The following NYAP2 variants were observed in gnomAD, a reference collection of about 807,000 sequenced individuals.
NYAP2 encodes neuronal tyrosine-phosphorylated phosphoinositide-3-kinase adapter 2.
A neutral mutation model predicts 50.4 loss-of-function variants in NYAP2; 23 were observed. That is an observed-to-expected ratio of 0.46 (90% CI 0.33 to 0.65). The LOEUF is 0.65. Among genes scored for constraint, NYAP2 ranks in the 30% least tolerant of loss-of-function variants. The probability of loss-of-function intolerance (pLI) is 0.02; values close to 1 mark genes in which losing one functional copy is unlikely to be tolerated. For synonymous variants in NYAP2, 394 were observed against 365.2 expected (o/e 1.08, Z -0.90); for missense variants, 885 against 861.0 (o/e 1.03, Z -0.35).
intron 3 of NYAP2, among the ~76,000 whole-genome samples, chr2:225,503,444 G>T (rs896408428): frequency 6.6e-6 from 1 of 152,102 alleles, no homozygotes; most frequent in African/African-American, 2.4e-5. Flanking sequence ...AATCTTAAAA[G>T]CACTTGTCAT....
At chr2:225,478,617 A>G (rs1180354163) in intron 3 of NYAP2, among the ~76,000 whole-genome samples, 1 of 152,182 alleles carries the variant, frequency 6.6e-6, no homozygotes, top group Admixed American at 6.5e-5. Flanking sequence ...TCCATCACTC[A>G]TATTGTTTTT....
At chr2:225,498,829 CTTTGAAGACAAAG>C (rs1559196458) in intron 3 of NYAP2, among the ~76,000 whole-genome samples, 1 of 151,990 alleles carries the variant, frequency 6.6e-6, no homozygotes. Flanking sequence ...GAGAATGATG[CTTTGAAGACAAAG>C]TTTCATTAGA....
chr2:225,454,648 G>A (rs1302134737), intron 3 of NYAP2, among the ~76,000 whole-genome samples: 6 of 152,122 alleles, frequency 3.9e-5, no homozygotes, highest in East Asian at 1.9e-4. Flanking sequence ...CAGTGGCAGC[G>A]TTAGGTTCTC....
At chr2:225,437,648 C>G (rs894305290) in intron 3 of NYAP2, among the ~76,000 whole-genome samples, 3 of 152,230 alleles carry the variant, frequency 2.0e-5, no homozygotes, top group African/African-American at 7.2e-5. Flanking sequence ...ACCAACATAT[C>G]TGCAAGTGTA....
chr2:225,554,246 A>G (rs1691734264), intron 4 of NYAP2, among the ~76,000 whole-genome samples: 1 of 143,582 alleles, frequency 7.0e-6, no homozygotes, highest in Non-Finnish European at 1.5e-5. Flanking sequence ...TGGCCTTAGT[A>G]TAAACTATTT....
the NYAP2 span, among the ~76,000 whole-genome samples, chr2:225,675,256 G>C: frequency 6.6e-6 from 1 of 152,044 alleles, no homozygotes; most frequent in Admixed American, 6.6e-5. Flanking sequence ...AGTAAGCATA[G>C]TACCCAATGG....
At chr2:225,637,525 G>T (rs6436575) in intron 6 of NYAP2, among the ~76,000 whole-genome samples, 79,801 of 151,874 alleles carry the variant, frequency 0.53, 21,462 homozygotes, top group Admixed American at 0.66. Context: ...TGGCTTCCCC[G>T]GGGAACATTT....
rs1559202480 is a variant in NYAP2, at chr2:225,518,548, ATATATATATATATATAT to A, written c.523+4877_523+4893del. On this transcript the variant is annotated intron_variant, in intron 4 of 6. Coordinates refer to ENST00000636099, the Ensembl canonical transcript of NYAP2. ...TATATATATATATATATATATATAT[ATATATATATATATATAT>A]ATATTAGCGTGTGCGCTTATATATA... Among the ~76,000 whole-genome samples, 629 of 78,350 alleles carry A rather than the reference ATATATATATATATATAT, an allele frequency of 8.0e-3. 45 individuals are homozygous for A. Among genetic ancestry groups the A allele is most frequent in the African/African-American group, 0.025 (569 of 22,962 alleles). 51.4% of individuals were successfully genotyped at this position (78,350 alleles called of 152,430 possible).
At chr2:225,563,622 G>A (rs1691912013) in intron 4 of NYAP2, among the ~76,000 whole-genome samples, 1 of 151,982 alleles carries the variant, frequency 6.6e-6, no homozygotes, top group Non-Finnish European at 1.5e-5. Flanking sequence ...ATATATGAAG[G>A]ATCTTCATAG....
chr2:225,471,951 T>A (rs1026198728), intron 3 of NYAP2, among the ~76,000 whole-genome samples: 4 of 150,088 alleles, frequency 2.7e-5, no homozygotes, highest in African/African-American at 9.7e-5. Flanking sequence ...GTAAAAATGA[T>A]AATAAGACTG....
At chr2:225,454,416 T>C (rs1465130102) in intron 3 of NYAP2, among the ~76,000 whole-genome samples, 1 of 152,212 alleles carries the variant, frequency 6.6e-6, no homozygotes. Flanking sequence ...AATTTTTTAA[T>C]ACAATTATAG....
At chr2:225,456,031 A>G (rs1471619256) in intron 3 of NYAP2, among the ~76,000 whole-genome samples, 2 of 152,240 alleles carry the variant, frequency 1.3e-5, no homozygotes, top group Non-Finnish European at 1.5e-5. Context: ...TTCATTCCCC[A>G]GGCAGGTTGG....
At chr2:225,664,158 C>T in the NYAP2 span, among the ~76,000 whole-genome samples, 111 of 152,192 alleles carry the variant, frequency 7.3e-4, 1 homozygote, top group Non-Finnish European at 1.4e-3. Flanking sequence ...TTGCTACTAT[C>T]TGAGTTTCAA....
intron 2 of NYAP2, among the ~76,000 whole-genome samples, chr2:225,406,593 A>G (rs1220324531): frequency 6.6e-6 from 1 of 151,982 alleles, no homozygotes; most frequent in African/African-American, 2.4e-5. Flanking sequence ...GGAATTTAAT[A>G]CTTTTCTAGA....
chr2:225,431,884 G>A (rs1268738469), intron 3 of NYAP2, among the ~76,000 whole-genome samples: 3 of 152,162 alleles, frequency 2.0e-5, no homozygotes, highest in East Asian at 1.9e-4. Flanking sequence ...CTTACATGAC[G>A]TGTGACAAAA....
At chr2:225,528,390 A>G (rs944343887) in intron 4 of NYAP2, among the ~76,000 whole-genome samples, 1 of 152,142 alleles carries the variant, frequency 6.6e-6, no homozygotes, top group Admixed American at 6.6e-5. Context: ...TTTGCTCCAC[A>G]TAATGGAAAT....
At chr2:225,618,235 A>G (rs952449932) in intron 5 of NYAP2, among the ~76,000 whole-genome samples, 1 of 152,206 alleles carries the variant, frequency 6.6e-6, no homozygotes. Context: ...AGGCACCCAC[A>G]TGTCACCTTG....
intron 3 of NYAP2, among the ~76,000 whole-genome samples, chr2:225,421,604 GA>G (rs753486886): frequency 1.3e-5 from 2 of 152,288 alleles, no homozygotes; most frequent in South Asian, 2.1e-4. Context: ...ACATAGGAGG[GA>G]ATGTTTGTTC....
chr2:225,611,615 T>G (rs1011416093), intron 5 of NYAP2, among the ~76,000 whole-genome samples: 1 of 152,030 alleles, frequency 6.6e-6, no homozygotes, highest in Non-Finnish European at 1.5e-5. Context: ...AAATCATCTA[T>G]TATATCTTTT....
Sources: gnomAD v4.1 joint callset for allele counts (sites outside exome capture counted in the v4.1 genomes callset) on GRCh38, gnomAD v4.1.1 for gene constraint, MANE v1.5 for transcripts, NCBI Gene and HGNC (gene_info 2026-07-23, HGNC 2026-07-21) for gene names.